Variants in DAB1 observed in about 807,000 individuals in gnomAD.
DAB1 encodes disabled homolog 1.
A neutral mutation model predicts 64.6 loss-of-function variants in DAB1; 15 were observed. The observed-to-expected ratio is 0.23, with a 90% confidence interval of 0.16 to 0.36. The LOEUF (loss-of-function observed/expected upper bound fraction) is 0.36. Among genes scored for constraint, DAB1 ranks in the 10% least tolerant of loss-of-function variants. The pLI is 1.00. For missense variants in DAB1, 596 were observed against 706.7 expected, an observed-to-expected ratio of 0.84 and a Z score of 1.78; for synonymous variants, 235 against 251.9, an observed-to-expected ratio of 0.93 and a Z score of 0.64.
chr1:58,137,461 T>G (rs76570197), intron 5 of DAB1, among the ~76,000 whole-genome samples: 1,641 of 152,200 alleles, frequency 0.011, 31 homozygotes, highest in African/African-American at 0.038. Flanking sequence ...TATCCATCTA[T>G]CCATCCATTT....
At chr1:58,531,470 A>G (rs932712904) in intron 1 of DAB1, among the ~76,000 whole-genome samples, 1 of 152,190 alleles carries the variant, frequency 6.6e-6, no homozygotes, top group Non-Finnish European at 1.5e-5. Context: ...AAGTTTAATG[A>G]ACTAGATTGT....
chr1:58,093,703 A>G (rs1650816931), intron 5 of DAB1, among the ~76,000 whole-genome samples: 1 of 152,072 alleles, frequency 6.6e-6, no homozygotes, highest in Admixed American at 6.5e-5. Context: ...AAGGGAAAAA[A>G]AAAAAAAAGA....
chr1:58,326,494 G>A (rs369473684), intron 4 of DAB1, among the ~76,000 whole-genome samples: 35 of 152,308 alleles, frequency 2.3e-4, no homozygotes, highest in African/African-American at 7.5e-4. Flanking sequence ...GAAGAAGACG[G>A]TCTGGAATTG....
At chr1:58,060,674 A>T (rs10443243) in intron 5 of DAB1, among the ~76,000 whole-genome samples, 1 of 152,050 alleles carries the variant, frequency 6.6e-6, no homozygotes, top group African/African-American at 2.4e-5. Flanking sequence ...TCCTGGCCTG[A>T]GAACAGAGAA....
At chr1:58,355,526 C>CT (rs138821387) in intron 3 of DAB1, among the ~76,000 whole-genome samples, 7,784 of 152,214 alleles carry the variant, frequency 0.051, 314 homozygotes, top group East Asian at 0.18. Flanking sequence ...TTTCTTGTCA[C>CT]TTTCACGAAT....
At chr1:57,677,537 A>G (rs1646582391) in intron 6 of DAB1, among the ~76,000 whole-genome samples, 1 of 152,124 alleles carries the variant, frequency 6.6e-6, no homozygotes, top group African/African-American at 2.4e-5. Context: ...CCGCCACAAC[A>G]CTATGTGCAC....
chr1:58,171,880 C>A (rs1488744328), intron 4 of DAB1, among the ~76,000 whole-genome samples: 3 of 152,192 alleles, frequency 2.0e-5, no homozygotes, highest in Non-Finnish European at 4.4e-5. Context: ...GGTTGAAGGC[C>A]CAGCTTTGCC....
chr1:57,883,862 C>T (rs148583445), intron 1 of DAB1: 1 of 152,138 alleles, frequency 6.6e-6, no homozygotes. Context: ...TTATTAACTA[C>T]AGAGAGGCAG....
intron 9 of DAB1, among the ~76,000 whole-genome samples, chr1:57,034,234 C>T (rs1053332746): frequency 7.4e-5 from 11 of 148,820 alleles, no homozygotes; most frequent in African/African-American, 2.5e-4. Context: ...GAGCCGAGAT[C>T]GTGCCACTGC....
intron 6 of DAB1, among the ~76,000 whole-genome samples, chr1:57,681,109 C>T (rs1394282553): frequency 1.3e-5 from 2 of 152,224 alleles, no homozygotes; most frequent in Non-Finnish European, 2.9e-5. Context: ...CAGTATCATA[C>T]TGCCTCTGAA....
intron 7 of DAB1, among the ~76,000 whole-genome samples, chr1:57,475,882 C>CATGAATGA (rs1558415814): frequency 2.6e-5 from 4 of 152,180 alleles, no homozygotes; most frequent in Non-Finnish European, 5.9e-5. Flanking sequence ...TGAATGAATG[C>CATGAATGA]ATGAATGAAT....
At chr1:58,140,344 A>G (rs1388667735) in intron 5 of DAB1, among the ~76,000 whole-genome samples, 1 of 152,228 alleles carries the variant, frequency 6.6e-6, no homozygotes, top group Non-Finnish European at 1.5e-5. Flanking sequence ...AGGCAGTGCT[A>G]TAATCAGGTA....
At chr1:58,505,277 C>T (rs1165064197) in intron 3 of DAB1, among the ~76,000 whole-genome samples, 1 of 152,188 alleles carries the variant, frequency 6.6e-6, no homozygotes, top group Admixed American at 6.5e-5. Context: ...TTGTGCTATG[C>T]CTTAGCACAT....
At chr1:58,325,175 T>A (rs1341426065) in intron 4 of DAB1, among the ~76,000 whole-genome samples, 1 of 152,210 alleles carries the variant, frequency 6.6e-6, no homozygotes, top group Non-Finnish European at 1.5e-5. Context: ...CTAAAGGAGC[T>A]GATTCACAGG....
In DAB1 at chr1:57,634,085, A is replaced by G. The variant is rs538014450; in HGVS notation, n.625+15507T>C. Among the ~76,000 whole-genome samples, 10 of 152,342 alleles carry G rather than the reference A, an allele frequency of 6.6e-5. No individual in the cohort carries two copies. In the South Asian group the frequency reaches 2.1e-3, roughly 32 times the overall value. ...CAGAAAGGCAGGGAAACTGAAAGTA[A>G]GAAATCCTAGGTTCAAGACCTGCCT... On this transcript the variant is annotated intron_variant and non_coding_transcript_variant, in intron 7 of 20. Transcript: ENST00000485760.
intron 6 of DAB1, among the ~76,000 whole-genome samples, chr1:57,727,925 G>C (rs1161933716): frequency 6.6e-6 from 1 of 152,166 alleles, no homozygotes; most frequent in Non-Finnish European, 1.5e-5. Context: ...TCATTTTCAA[G>C]GCTGGGAGTA....
intron 4 of DAB1, among the ~76,000 whole-genome samples, chr1:58,327,731 C>A (rs1662867673): frequency 6.6e-6 from 1 of 152,082 alleles, no homozygotes; most frequent in South Asian, 2.1e-4. Context: ...GAGGCTGAGG[C>A]AAGCAGATCA....
At chr1:57,661,404 A>G (rs146972258) in intron 6 of DAB1, among the ~76,000 whole-genome samples, 254 of 152,322 alleles carry the variant, frequency 1.7e-3, no homozygotes, top group African/African-American at 5.7e-3. Context: ...TTGCATGACT[A>G]TTGTGACACT....
downstream of DAB1, among the ~76,000 whole-genome samples, chr1:57,824,470 A>G (rs1461551664): frequency 6.6e-6 from 1 of 152,054 alleles, no homozygotes; most frequent in Non-Finnish European, 1.5e-5. Flanking sequence ...CTATTTCTCT[A>G]AATAGGTAAC....
Sources: gnomAD v4.1 joint callset for allele counts (sites outside exome capture counted in the v4.1 genomes callset) on GRCh38, gnomAD v4.1.1 for gene constraint, MANE v1.5 for transcripts, NCBI Gene and HGNC (gene_info 2026-07-23, HGNC 2026-07-21) for gene names.